The following CEMIP variants were observed in gnomAD, a reference collection of about 807,000 sequenced individuals.
The protein encoded by CEMIP is cell migration-inducing and hyaluronan-binding protein.
In CEMIP, 105 loss-of-function variants were observed where a neutral mutation model predicts 156.9. That is an observed-to-expected ratio of 0.67 (90% CI 0.57 to 0.79). The LOEUF (loss-of-function observed/expected upper bound fraction) is 0.79, where lower values mean the gene tolerates loss of function less well. Ranked by LOEUF, CEMIP falls within the 30% of genes least tolerant of loss-of-function variation. The pLI, the probability that CEMIP is intolerant of heterozygous loss-of-function variation, is 0.00. For missense variants in CEMIP, 1,457 were observed against 1,769.4 expected, an observed-to-expected ratio of 0.82 and a Z score of 3.17; for synonymous variants, 676 against 668.4, an observed-to-expected ratio of 1.01 and a Z score of -0.17.
chr15:80,816,113 T>G (rs1896783104), intron 1 of CEMIP, among the ~76,000 whole-genome samples: 1 of 152,224 alleles, frequency 6.6e-6, no homozygotes. Flanking sequence ...ATTTTTCTTT[T>G]TTAAGTTGTG....
chr15:80,918,630 C>T (rs1900360646), intron 14 of CEMIP, among the ~76,000 whole-genome samples: 1 of 152,160 alleles, frequency 6.6e-6, no homozygotes, highest in Non-Finnish European at 1.5e-5. Flanking sequence ...CATCGGGAAT[C>T]AGGAACTCCC....
chr15:80,784,741 G>A (rs1211844135), intron 1 of CEMIP, among the ~76,000 whole-genome samples: 1 of 152,210 alleles, frequency 6.6e-6, no homozygotes, highest in Non-Finnish European at 1.5e-5. Flanking sequence ...GTGTTAAAGT[G>A]AGAGTTCTGA....
rs56412231 is a variant in CEMIP at position 80,800,021 on chromosome 15, A to ATGTGTGTGTGTGTGTGTGTGTGTG, written c.-176+20425_-176+20448dup. Among the ~76,000 whole-genome samples the ATGTGTGTGTGTGTGTGTGTGTGTG allele has an allele frequency of 1.9e-3, 237 of 124,894 alleles. 2 individuals carry two copies. The highest frequency in any genetic ancestry group is 2.8e-3 in the East Asian group (11 of 3,944). The allele number at this position is 124,894 out of a possible 152,430, so 81.9% of individuals were successfully genotyped here. A position where few individuals can be genotyped will look rare whatever the true frequency, so the allele number is the denominator to read the frequency against. On this transcript the variant is annotated intron_variant, in intron 1 of 29. Transcript: ENST00000394685. ...ACATAACACCATGCCAGCTAATTTT[A>ATGTGTGTGTGTGTGTGTGTGTGTG]TGTGTGTGTGTGTGTGTGTGTGTGT... is the stretch of plus-strand genomic sequence containing the variant.
At chr15:80,888,604 A>G in intron 8 of CEMIP, 97 bp from the exon 9 acceptor site, 2 of 886,648 alleles carry the variant, frequency 2.3e-6, no homozygotes, top group Admixed American at 1.7e-5. Context: ...AAATGAGTCA[A>G]TGCCCATGTG....
At chr15:80,861,900 A>G (rs1262418052) in intron 1 of CEMIP, among the ~76,000 whole-genome samples, 1 of 152,236 alleles carries the variant, frequency 6.6e-6, no homozygotes, top group Admixed American at 6.5e-5. Flanking sequence ...AGAGAGGCTC[A>G]TCTTACCTTT....
chr15:80,901,847 T>C (rs1899572713), intron 12 of CEMIP, among the ~76,000 whole-genome samples: 1 of 152,102 alleles, frequency 6.6e-6, no homozygotes. Context: ...GCGGCACTGA[T>C]GTAGGTCAAG....
rs1268384109 is a variant in CEMIP at position 80,933,411 on chromosome 15, T to A, written c.2960T>A (p.Ile987Asn). Residue 987 changes from isoleucine (I) to asparagine (N), a missense_variant, in exon 23 of 30, where the codon ATC (isoleucine) becomes AAC (asparagine). This residue lies in a region of CEMIP where 798 missense variants were observed against 980.1 expected (regional missense o/e 0.81). Coordinates refer to ENST00000394685, the MANE Select transcript of CEMIP (RefSeq NM_001293298.2). The part of the protein sequence containing the change: ...DNWLVRHPDC[I>N]NVPDWRGAIC... ...TGGCTGGTCCGGCACCCAGACTGCA[T>A]CAATGTTCCCGACTGGAGAGGGGCC... The A allele has an allele frequency of 5.6e-6, 9 of 1,614,016 alleles. No homozygotes were observed. The highest frequency in any genetic ancestry group is 6.8e-6 in the Non-Finnish European group (8 of 1,180,044).
intron 1 of CEMIP, among the ~76,000 whole-genome samples, chr15:80,805,854 A>G (rs1896501149): frequency 6.6e-6 from 1 of 152,176 alleles, no homozygotes; most frequent in African/African-American, 2.4e-5. Context: ...CAGCTTATTT[A>G]ATTTTGTGTA....
At chr15:80,832,827 C>A (rs1187742787) in intron 1 of CEMIP, among the ~76,000 whole-genome samples, 2 of 152,150 alleles carry the variant, frequency 1.3e-5, no homozygotes, top group Non-Finnish European at 1.5e-5. Context: ...TGGACAGAGC[C>A]AACTTGTCTC....
chr15:80,801,054 A>G (rs1041523372), intron 1 of CEMIP, among the ~76,000 whole-genome samples: 1 of 152,158 alleles, frequency 6.6e-6, no homozygotes, highest in South Asian at 2.1e-4. Flanking sequence ...TGCTGCTGTA[A>G]ATGCTGCTTT....
Position 80,920,139 on chromosome 15 carries a change from A to T in CEMIP, c.1843A>T (p.Thr615Ser), listed in dbSNP as rs1341490674. Residue 615 changes from threonine to serine, a missense_variant, in exon 15 of 30, where the codon ACG becomes TCG. Thr to Ser is a moderately conservative substitution (Grantham distance 58). Transcript: ENST00000394685. ...GYNSLGHCFF[T>S]EDGPEERNTF... ...TAACTCTTTGGGCCACTGCTTCTTCACGGAAGATGGGCCGGAGGAACGCAA... is the reference window on the plus strand; with the variant it reads ...TAACTCTTTGGGCCACTGCTTCTTCTCGGAAGATGGGCCGGAGGAACGCAA... 6.2e-7 allele frequency: 1 copy of T among 1,614,050 alleles called. No individual in the cohort carries two copies. Among genetic ancestry groups the T allele is most frequent in the African/African-American group, 1.3e-5 (1 of 74,920 alleles).
chr15:80,927,484 G>A (rs1021943973), intron 19 of CEMIP, among the ~76,000 whole-genome samples: 2 of 152,188 alleles, frequency 1.3e-5, no homozygotes, highest in East Asian at 3.8e-4. Flanking sequence ...AATATCCTAA[G>A]TTCGGTAAAT....
intron 14 of CEMIP, among the ~76,000 whole-genome samples, chr15:80,913,780 G>A (rs1336818805): frequency 1.3e-5 from 2 of 152,228 alleles, no homozygotes; most frequent in African/African-American, 2.4e-5. Flanking sequence ...ACTGGCCTCT[G>A]TAGTTAAATG....
intron 6 of CEMIP, among the ~76,000 whole-genome samples, chr15:80,881,813 T>C (rs1898669777): frequency 6.6e-6 from 1 of 152,130 alleles, no homozygotes; most frequent in Non-Finnish European, 1.5e-5. Context: ...AAAGCAAAGA[T>C]GGTGCAGGGG....
intron 14 of CEMIP, among the ~76,000 whole-genome samples, chr15:80,912,096 G>A (rs891450949): frequency 1.6e-4 from 22 of 134,390 alleles, no homozygotes; most frequent in Non-Finnish European, 3.4e-4. Context: ...GAGGCTGGGA[G>A]AGCTGGGAGA....
chr15:80,944,817 TAAG>T (rs1901478911), intron 28 of CEMIP, among the ~76,000 whole-genome samples: 1 of 152,184 alleles, frequency 6.6e-6, no homozygotes, highest in Admixed American at 6.5e-5. Context: ...AAGCTTGGAA[TAAG>T]AAACTAGACT....
chr15:80,929,719 C>T (rs1218541550), intron 21 of CEMIP, among the ~76,000 whole-genome samples: 1 of 152,218 alleles, frequency 6.6e-6, no homozygotes, highest in Admixed American at 6.5e-5. Context: ...TCATTCTACA[C>T]GGGCACCGTG....
chr15:80,891,553 T>C (rs1344322157), intron 10 of CEMIP, among the ~76,000 whole-genome samples: 1 of 152,246 alleles, frequency 6.6e-6, no homozygotes, highest in Non-Finnish European at 1.5e-5. Context: ...GTGGTCCCCT[T>C]ACTCAGAAGC....
chr15:80,900,534 C>T (rs955138271), intron 12 of CEMIP, among the ~76,000 whole-genome samples: 2 of 149,200 alleles, frequency 1.3e-5, no homozygotes, highest in Non-Finnish European at 3.0e-5. Context: ...TGTGAGGCCC[C>T]CATGAAAACA....
Sources: allele counts gnomAD v4.1 joint callset (sites outside exome capture counted in the v4.1 genomes callset), GRCh38; gene constraint gnomAD v4.1.1; regional missense constraint gnomAD v4.1.1; transcripts MANE v1.5; gene names NCBI Gene and HGNC (gene_info 2026-07-23, HGNC 2026-07-21).